Variants in ACOXL observed in about 807,000 individuals in gnomAD.
ACOXL encodes acyl-CoA oxidase like.
A neutral mutation model predicts 71.9 loss-of-function variants in ACOXL; 70 were observed. The ratio of observed to expected loss-of-function variants is 0.97; its 90% CI spans 0.80 to 1.19. The LOEUF is 1.19. ACOXL is among the 50% of genes most tolerant of loss of function. ACOXL has a pLI of 0.00. For synonymous variants in ACOXL, 253 were observed against 281.6 expected, an observed-to-expected ratio of 0.90 and a Z score of 1.02; for missense variants, 703 against 736.3, an observed-to-expected ratio of 0.95 and a Z score of 0.52.
rs139802862 is a variant in ACOXL at position 110,744,757 on chromosome 2, T to C, written c.-23+11983T>C. Among the ~76,000 whole-genome samples, 798 of 152,264 alleles carry C rather than the reference T, an allele frequency of 5.2e-3. 3 individuals are homozygous for C. Among genetic ancestry groups the C allele is most frequent in the South Asian group, 0.023 (109 of 4,816 alleles). Reference sequence around the variant, plus strand: ...ATGAAATAGGAGGGGAGGAGGTTTTTTGGTGTGCCGGCAAAAGACACTTCC... The same window carrying C: ...ATGAAATAGGAGGGGAGGAGGTTTTCTGGTGTGCCGGCAAAAGACACTTCC... On this transcript the variant is annotated intron_variant, in intron 1 of 17. Coordinates refer to ENST00000439055, the MANE Select transcript of ACOXL (RefSeq NM_001142807.4).
chr2:111,108,369 A>ATATTTT (rs1173842815), intron 17 of ACOXL, among the ~76,000 whole-genome samples: 2 of 62,088 alleles, frequency 3.2e-5, no homozygotes, highest in South Asian at 4.3e-4. Flanking sequence ...AAGTGCATGA[A>ATATTTT]TCTTTTTTTT....
At chr2:110,893,734 A>G (rs2058887198) in intron 10 of ACOXL, among the ~76,000 whole-genome samples, 1 of 152,176 alleles carries the variant, frequency 6.6e-6, no homozygotes, top group Non-Finnish European at 1.5e-5. Flanking sequence ...TATAGCCCTA[A>G]TTGAATATGT....
At chr2:110,789,679 C>G (rs1470645089) in intron 3 of ACOXL, among the ~76,000 whole-genome samples, 1 of 152,184 alleles carries the variant, frequency 6.6e-6, no homozygotes, top group Non-Finnish European at 1.5e-5. Flanking sequence ...TTTCCATCTC[C>G]AAATACCATC....
chr2:111,081,042 T>C (rs1037036433), intron 16 of ACOXL, among the ~76,000 whole-genome samples: 1 of 152,192 alleles, frequency 6.6e-6, no homozygotes, highest in Non-Finnish European at 1.5e-5. Flanking sequence ...GAGCTATTTA[T>C]GACAAAACCA....
intron 17 of ACOXL, among the ~76,000 whole-genome samples, chr2:111,096,434 G>T (rs910550353): frequency 1.3e-5 from 2 of 151,746 alleles, no homozygotes; most frequent in African/African-American, 2.4e-5. Flanking sequence ...GTAGAGACGG[G>T]GTTTCACCAT....
intron 17 of ACOXL, among the ~76,000 whole-genome samples, chr2:111,106,090 T>A (rs1381840111): frequency 6.6e-6 from 1 of 152,224 alleles, no homozygotes; most frequent in African/African-American, 2.4e-5. Context: ...ATTTTTCAAG[T>A]ACTTTTCTGC....
At chr2:110,962,999 G>A (rs765849232) in intron 12 of ACOXL, among the ~76,000 whole-genome samples, 2 of 152,126 alleles carry the variant, frequency 1.3e-5, no homozygotes, top group Non-Finnish European at 2.9e-5. Context: ...TTTTACTTGG[G>A]GCCAAACTTA....
At chr2:110,982,301 C>T (rs1188906997) in intron 12 of ACOXL, among the ~76,000 whole-genome samples, 1 of 152,114 alleles carries the variant, frequency 6.6e-6, no homozygotes, top group Non-Finnish European at 1.5e-5. Flanking sequence ...GAGCTGCTTA[C>T]TTGTTGGTTT....
intron 9 of ACOXL, among the ~76,000 whole-genome samples, chr2:110,823,742 A>C (rs1257742880): frequency 6.6e-6 from 1 of 152,178 alleles, no homozygotes; most frequent in Non-Finnish European, 1.5e-5. Context: ...TTTCATGTGC[A>C]TGTTTGCCCT....
At chr2:110,786,447 G>C (rs1049662012) in intron 3 of ACOXL, among the ~76,000 whole-genome samples, 16 of 152,228 alleles carry the variant, frequency 1.1e-4, no homozygotes, top group African/African-American at 3.6e-4. Flanking sequence ...TGGGTTGGCT[G>C]TGGCTTTCAG....
At chr2:110,860,704 A>G (rs1049370423) in intron 10 of ACOXL, among the ~76,000 whole-genome samples, 1 of 152,192 alleles carries the variant, frequency 6.6e-6, no homozygotes, top group African/African-American at 2.4e-5. Flanking sequence ...AACTCTATCC[A>G]GATCTTCAGT....
intron 10 of ACOXL, among the ~76,000 whole-genome samples, chr2:110,901,686 T>G (rs533855171): frequency 6.7e-6 from 1 of 150,156 alleles, no homozygotes; most frequent in East Asian, 2.0e-4. Context: ...ATACACTCAC[T>G]TACACACACA....
intron 14 of ACOXL, among the ~76,000 whole-genome samples, chr2:111,019,388 CAA>C: frequency 6.6e-6 from 1 of 152,198 alleles, no homozygotes; most frequent in Admixed American, 6.5e-5. Flanking sequence ...GCTAAATGAC[CAA>C]AAAGAATGGA....
intron 14 of ACOXL, among the ~76,000 whole-genome samples, chr2:111,001,822 G>C (rs1200306002): frequency 6.6e-6 from 1 of 152,154 alleles, no homozygotes; most frequent in Non-Finnish European, 1.5e-5. Flanking sequence ...ACTGTGAGCT[G>C]ATACCATAAT....
chr2:110,799,325 A>T (rs1685668350), intron 7 of ACOXL, among the ~76,000 whole-genome samples: 1 of 152,188 alleles, frequency 6.6e-6, no homozygotes, highest in South Asian at 2.1e-4. Flanking sequence ...AGTTTCTTCC[A>T]GCTTCTCAAA....
At chr2:111,028,255 T>C (rs2065105427) in intron 14 of ACOXL, among the ~76,000 whole-genome samples, 1 of 152,148 alleles carries the variant, frequency 6.6e-6, no homozygotes, top group African/African-American at 2.4e-5. Flanking sequence ...TCTTTTTGAG[T>C]GGAGTCAGTC....
At chr2:110,996,044 G>A (rs764009467) in intron 14 of ACOXL, 40 bp downstream of exon 14, 28 of 1,483,176 alleles carry the variant, frequency 1.9e-5, no homozygotes, top group Non-Finnish European at 2.5e-5. Flanking sequence ...TTTGACATGT[G>A]TTTAAGGGAT....
intron 9 of ACOXL, among the ~76,000 whole-genome samples, chr2:110,807,315 T>C (rs1686784547): frequency 6.6e-6 from 1 of 152,204 alleles, no homozygotes; most frequent in Admixed American, 6.5e-5. Flanking sequence ...AGGGTGTGTG[T>C]GCAGCGCTGG....
At chr2:110,830,378 T>G (rs959399459) in intron 9 of ACOXL, among the ~76,000 whole-genome samples, 17 of 152,036 alleles carry the variant, frequency 1.1e-4, no homozygotes, top group African/African-American at 3.4e-4. Context: ...CCTCCCTCCC[T>G]CTCTTTCTTT....
Sources: gnomAD v4.1 joint callset for allele counts (sites outside exome capture counted in the v4.1 genomes callset) on GRCh38, gnomAD v4.1.1 for gene constraint, MANE v1.5 for transcripts, NCBI Gene and HGNC (gene_info 2026-07-23, HGNC 2026-07-21) for gene names.